Variants in PLEKHD1 observed in about 807,000 individuals in gnomAD.
The protein encoded by PLEKHD1 is pleckstrin homology and coiled-coil domain containing D1.
Under a neutral mutation model 69.2 loss-of-function variants are expected in PLEKHD1, and 51 were observed. That is an observed-to-expected ratio of 0.74 (90% CI 0.59 to 0.93). PLEKHD1 has a LOEUF of 0.93. Ranked by LOEUF, PLEKHD1 falls within the 40% of genes least tolerant of loss-of-function variation. The pLI is 0.00. For missense variants in PLEKHD1, 584 were observed against 641.0 expected (o/e 0.91, Z 0.96); for synonymous variants, 236 against 244.7 (o/e 0.96, Z 0.33).
intron 1 of PLEKHD1, among the ~76,000 whole-genome samples, chr14:69,498,663 T>TTCTCTTCTCTTCTCTTCTCTTCTCTTCTC (rs1555337218): frequency 9.7e-5 from 6 of 61,838 alleles, no homozygotes; most frequent in African/African-American, 2.7e-4. Flanking sequence ...CTTCTCTTCT[T>TTCTCTTCTCTTCTCTTCTCTTCTCTTCTC]TGAGATGGAG....
Position 69,528,637 on chromosome 14 carries a change from C to A in PLEKHD1, c.*218C>A, listed in dbSNP as rs1883720520. On this transcript the variant is annotated 3_prime_UTR_variant, in exon 13 of 13. Transcript: ENST00000322564. Reference sequence around the variant, plus strand: ...CCACACCCCACCTTTGGGTCCACACCAGGGCCATGCAGGCCTGAGCTGGGT... The same window carrying A: ...CCACACCCCACCTTTGGGTCCACACAAGGGCCATGCAGGCCTGAGCTGGGT... 2 of 623,352 alleles carry A rather than the reference C, an allele frequency of 3.2e-6. No homozygotes were observed. Among genetic ancestry groups the A allele is most frequent in the Non-Finnish European group, 2.7e-6 (1 of 364,146 alleles). 38.6% of individuals were successfully genotyped at this position (623,352 alleles called of 1,614,324 possible). A position where few individuals can be genotyped will look rare whatever the true frequency, so the allele number is the denominator to read the frequency against.
intron 1 of PLEKHD1, among the ~76,000 whole-genome samples, chr14:69,496,702 ATT>A (rs375368521): frequency 8.2e-4 from 93 of 112,864 alleles, no homozygotes; most frequent in African/African-American, 8.0e-4. Flanking sequence ...TGCCCAGCTA[ATT>A]TTTTTTTTTT....
chr14:69,527,658 G>A, intron 11 of PLEKHD1, 125 bp from the exon 12 acceptor site: 1 of 1,275,204 alleles, frequency 7.8e-7, no homozygotes, highest in Middle Eastern at 2.5e-4. Context: ...AGGTGGCTCT[G>A]GAATCTCGAG....
At chr14:69,525,189 A>G (rs1178142639) in intron 8 of PLEKHD1, among the ~76,000 whole-genome samples, 1 of 152,128 alleles carries the variant, frequency 6.6e-6, no homozygotes, top group Non-Finnish European at 1.5e-5. Context: ...GAATTTCAGT[A>G]GACTGTGTCT....
rs542551959 is a variant in PLEKHD1, at chr14:69,527,286, T to C, written c.1155T>C (p.Asn385=). ...LEQGLNSKVR[N]KEKEERMRAD... The stretch of plus-strand genomic sequence containing the variant: ...AGGGGCTGAATTCCAAGGTGCGGAA[T>C]AAGGAGAAGGAGGAGAGGATGCGGG... The change falls in exon 11 of 13, where the codon AAT becomes AAC. Residue 385 remains asparagine, a synonymous_variant. Transcript: ENST00000322564. 7 of 1,551,758 alleles carry C rather than the reference T, an allele frequency of 4.5e-6. No homozygotes were observed. In the African/African-American group the frequency reaches 8.2e-5, roughly 18 times the overall value.
At chr14:69,508,147 G>T (rs187581048) in intron 6 of PLEKHD1, among the ~76,000 whole-genome samples, 1 of 152,034 alleles carries the variant, frequency 6.6e-6, no homozygotes, top group Admixed American at 6.5e-5. Flanking sequence ...GGTGGCTCAC[G>T]CCTGTAATCC....
At chr14:69,502,494 C>T (rs1012202210) in intron 5 of PLEKHD1, 2 of 348,462 alleles carry the variant, frequency 5.7e-6, no homozygotes, top group African/African-American at 4.2e-5. Context: ...TAGGTTCTGC[C>T]CTCCTTACTA....
At chr14:69,486,691 AT>A (rs1882661956) in intron 1 of PLEKHD1, among the ~76,000 whole-genome samples, 1 of 152,096 alleles carries the variant, frequency 6.6e-6, no homozygotes, top group Admixed American at 6.6e-5. Context: ...CTTGCCAGAC[AT>A]TTTCACCTGA....
At chr14:69,489,530 G>A (rs148406925) in intron 1 of PLEKHD1, among the ~76,000 whole-genome samples, 1 of 122,408 alleles carries the variant, frequency 8.2e-6, no homozygotes, top group East Asian at 2.4e-4. Flanking sequence ...CTGCACTCCA[G>A]CCTGAGGGAC....
rs556729708 is a variant in PLEKHD1 at position 69,500,337 on chromosome 14, TG to T, written c.243+133del. 2.8e-5 allele frequency: 24 copies of T among 862,028 alleles called. No homozygotes were observed. The South Asian group carries it at 3.8e-4, about 14-fold the overall frequency. 53.4% of individuals were successfully genotyped at this position (862,028 alleles called of 1,614,324 possible). ...AGAGAGTCTGGAGAGCAAATCCTCT[TG>T]GGGCAAAAGACCCCCTGCCCCTGTC... is the stretch of plus-strand genomic sequence containing the variant. On this transcript the variant is annotated intron_variant, in intron 2 of 12. Transcript: ENST00000322564.
chr14:69,504,807 T>A (rs1883114790), intron 6 of PLEKHD1, among the ~76,000 whole-genome samples: 1 of 152,242 alleles, frequency 6.6e-6, no homozygotes. Context: ...CCAGAGTTGG[T>A]CCTCTGTGTC....
chr14:69,502,727 C>A, intron 5 of PLEKHD1, 100 bp from the exon 6 acceptor site: 1 of 1,461,248 alleles, frequency 6.8e-7, no homozygotes, highest in Non-Finnish European at 9.3e-7. Flanking sequence ...TTGGGAGATG[C>A]TGGGGGTGAC....
the PLEKHD1 span, among the ~76,000 whole-genome samples, chr14:69,476,748 G>A: frequency 1.3e-5 from 2 of 152,154 alleles, no homozygotes; most frequent in East Asian, 1.9e-4. Context: ...GAGGGCCAGG[G>A]GAATGACTGT....
At chr14:69,499,704 A>T (rs1276499245) in intron 1 of PLEKHD1, among the ~76,000 whole-genome samples, 1 of 152,180 alleles carries the variant, frequency 6.6e-6, no homozygotes, top group African/African-American at 2.4e-5. Context: ...CTTGCCAAAG[A>T]CCCATCTTAG....
chr14:69,475,391 C>T, the PLEKHD1 span, among the ~76,000 whole-genome samples: 7 of 152,176 alleles, frequency 4.6e-5, no homozygotes, highest in South Asian at 2.1e-4. Context: ...ACAGCGATGC[C>T]GGTGGGTACC....
the PLEKHD1 span, among the ~76,000 whole-genome samples, chr14:69,469,338 A>C: frequency 6.6e-6 from 1 of 152,136 alleles, no homozygotes; most frequent in Non-Finnish European, 1.5e-5. Flanking sequence ...GGTTGGATAC[A>C]TTTACAACTG....
chr14:69,481,359 A>G (rs556592064), upstream of PLEKHD1, among the ~76,000 whole-genome samples: 3 of 152,330 alleles, frequency 2.0e-5, no homozygotes, highest in East Asian at 5.8e-4. Flanking sequence ...TTAGGAGTCT[A>G]TCCCTGAGCA....
chr14:69,468,354 G>T, the PLEKHD1 span, among the ~76,000 whole-genome samples: 1 of 152,162 alleles, frequency 6.6e-6, no homozygotes, highest in Non-Finnish European at 1.5e-5. Flanking sequence ...TACTCCTTTC[G>T]AAAATTGTAA....
chr14:69,481,823 C>T (rs1443172765), upstream of PLEKHD1, among the ~76,000 whole-genome samples: 2 of 152,136 alleles, frequency 1.3e-5, no homozygotes, highest in East Asian at 1.9e-4. Context: ...TGAGTTTTCA[C>T]CCCTGACTGG....
Sources: gnomAD v4.1 joint callset for allele counts (sites outside exome capture counted in the v4.1 genomes callset) on GRCh38, gnomAD v4.1.1 for gene constraint, MANE v1.5 for transcripts, NCBI Gene and HGNC (gene_info 2026-07-23, HGNC 2026-07-21) for gene names.